Variants in UBE4B observed in about 807,000 individuals in gnomAD.
UBE4B encodes ubiquitin conjugation factor E4 B.
In UBE4B, 27 loss-of-function variants were observed where a neutral mutation model predicts 148.1. The ratio of observed to expected loss-of-function variants is 0.18; its 90% CI spans 0.13 to 0.25. The LOEUF is 0.25. UBE4B is among the 10% of genes least tolerant of loss of function. UBE4B has a pLI of 1.00. For synonymous variants in UBE4B, 596 were observed against 619.3 expected, an observed-to-expected ratio of 0.96 and a Z score of 0.56; for missense variants, 1,170 against 1,662.4, an observed-to-expected ratio of 0.70 and a Z score of 5.15.
chr1:10,091,748 G>A (rs1445907288), intron 2 of UBE4B, among the ~76,000 whole-genome samples: 1 of 152,188 alleles, frequency 6.6e-6, no homozygotes, highest in African/African-American at 2.4e-5. Flanking sequence ...TGGGATTACA[G>A]GCTCCCGCCT....
intron 15 of UBE4B, 151 bp downstream of exon 15, chr1:10,132,633 A>G (rs1406593791): frequency 1.6e-6 from 1 of 618,324 alleles, no homozygotes; most frequent in African/African-American, 1.8e-5. Flanking sequence ...CCCATGTTCC[A>G]CAGAATAAAC....
intron 25 of UBE4B, among the ~76,000 whole-genome samples, chr1:10,176,745 T>A (rs895634980): frequency 2.6e-5 from 4 of 151,840 alleles, no homozygotes; most frequent in Non-Finnish European, 4.4e-5. Flanking sequence ...GTTGTTTGTG[T>A]TTTTGTTGTT....
chr1:10,123,860 G>A (rs1162326749), intron 10 of UBE4B, among the ~76,000 whole-genome samples: 2 of 151,972 alleles, frequency 1.3e-5, no homozygotes, highest in East Asian at 1.9e-4. Context: ...TGCAACCTCC[G>A]CCTCCCGGGT....
At chr1:10,133,828 T>A (rs1645634480) in intron 15 of UBE4B, among the ~76,000 whole-genome samples, 1 of 151,966 alleles carries the variant, frequency 6.6e-6, no homozygotes, top group Non-Finnish European at 1.5e-5. Flanking sequence ...GGCAAGAGGA[T>A]CACTTGAGCC....
intron 2 of UBE4B, among the ~76,000 whole-genome samples, chr1:10,090,535 T>A (rs1249936034): frequency 6.6e-6 from 1 of 152,214 alleles, no homozygotes; most frequent in Non-Finnish European, 1.5e-5. Context: ...GGAAGATGGT[T>A]GGCCATTACC....
intron 3 of UBE4B, 82 bp downstream of exon 3, chr1:10,095,678 T>G (rs1644919155): frequency 3.2e-6 from 5 of 1,553,750 alleles, no homozygotes; most frequent in Non-Finnish European, 4.4e-6. Context: ...TAGTCCATAG[T>G]CAGAAATGCC....
chr1:10,127,275 T>A (rs1321986371), intron 11 of UBE4B, among the ~76,000 whole-genome samples: 4 of 152,212 alleles, frequency 2.6e-5, no homozygotes, highest in Non-Finnish European at 4.4e-5. Flanking sequence ...GAATACAATT[T>A]TATCTTTATG....
chr1:10,070,475 C>T (rs1644465639), intron 1 of UBE4B, among the ~76,000 whole-genome samples: 1 of 151,260 alleles, frequency 6.6e-6, no homozygotes, highest in South Asian at 2.1e-4. Flanking sequence ...TACCAGATCC[C>T]TAGAATCTCA....
intron 23 of UBE4B, among the ~76,000 whole-genome samples, chr1:10,167,626 C>G (rs1454687586): frequency 3.0e-5 from 4 of 132,238 alleles, no homozygotes; most frequent in Non-Finnish European, 6.2e-5. Context: ...CGGAGTCTCA[C>G]TCTGTCACTA....
intron 17 of UBE4B, 43 bp downstream of exon 17, chr1:10,137,248 A>G: frequency 1.2e-6 from 2 of 1,611,352 alleles, no homozygotes. Flanking sequence ...CTGAGTTACC[A>G]CTTTTTCTCA....
At chr1:10,142,864 T>C (rs548375437) in intron 17 of UBE4B, among the ~76,000 whole-genome samples, 1 of 150,350 alleles carries the variant, frequency 6.7e-6, no homozygotes, top group South Asian at 2.1e-4. Flanking sequence ...TCGCAGCACT[T>C]TGGGAGGCTG....
At chr1:10,113,763 C>G (rs1294227553) in intron 7 of UBE4B, among the ~76,000 whole-genome samples, 1 of 152,040 alleles carries the variant, frequency 6.6e-6, no homozygotes, top group African/African-American at 2.4e-5. Context: ...GACCTATTGA[C>G]ATCAAACATA....
chr1:10,089,323 T>A (rs1014453444), intron 2 of UBE4B, among the ~76,000 whole-genome samples: 1 of 152,118 alleles, frequency 6.6e-6, no homozygotes, highest in Non-Finnish European at 1.5e-5. Context: ...AATGTTTTTA[T>A]CAGGAAATTA....
intron 9 of UBE4B, among the ~76,000 whole-genome samples, chr1:10,121,716 C>A (rs576353325): frequency 1.5e-4 from 23 of 152,224 alleles, no homozygotes; most frequent in African/African-American, 5.3e-4. Context: ...TTCAGTGCTT[C>A]ATTTTTAAAG....
intron 22 of UBE4B, 96 bp downstream of exon 22, chr1:10,158,578 G>A: frequency 1.3e-6 from 2 of 1,484,336 alleles, no homozygotes; most frequent in Non-Finnish European, 1.8e-6. Context: ...CTTGTTGACT[G>A]TTTGCTTGGT....
At chr1:10,167,998 C>T (rs1049838351) in intron 23 of UBE4B, 138 bp from the exon 24 acceptor site, 2 of 1,072,238 alleles carry the variant, frequency 1.9e-6, no homozygotes, top group Admixed American at 6.5e-5. Context: ...CTTCAGTTAT[C>T]TGGGACATGT....
At chr1:10,114,981 C>T (rs1013975395) in intron 7 of UBE4B, among the ~76,000 whole-genome samples, 8 of 152,100 alleles carry the variant, frequency 5.3e-5, no homozygotes, top group Non-Finnish European at 1.0e-4. Flanking sequence ...CCTACTCAGT[C>T]GGCAGGGAGT....
intron 1 of UBE4B, among the ~76,000 whole-genome samples, chr1:10,062,620 C>T (rs61462323): frequency 0.044 from 6,635 of 152,224 alleles, 209 homozygotes; most frequent in African/African-American, 0.086. Flanking sequence ...CGCCTTAATG[C>T]ATTTTTTGTT....
chr1:10,059,811 T>G (rs1223674690), intron 1 of UBE4B, among the ~76,000 whole-genome samples: 1 of 152,136 alleles, frequency 6.6e-6, no homozygotes, highest in Non-Finnish European at 1.5e-5. Flanking sequence ...TTTAGGCATT[T>G]TTTTTTCCAC....
Sources: gnomAD v4.1 joint callset for allele counts (sites outside exome capture counted in the v4.1 genomes callset) on GRCh38, gnomAD v4.1.1 for gene constraint, MANE v1.5 for transcripts, NCBI Gene and HGNC (gene_info 2026-07-23, HGNC 2026-07-21) for gene names.